TRPC7: variants seen among roughly 807,000 people sequenced by gnomAD.
The protein encoded by TRPC7 is short transient receptor potential channel 7.
Under a neutral mutation model 90.1 loss-of-function variants are expected in TRPC7, and 42 were observed. That is an observed-to-expected ratio of 0.47 (90% confidence interval 0.36 to 0.60). The LOEUF (loss-of-function observed/expected upper bound fraction) is 0.60. TRPC7 is among the 20% of genes least tolerant of loss of function. The pLI, the probability that TRPC7 is intolerant of heterozygous loss-of-function variation, is 0.00. For synonymous variants in TRPC7, 451 were observed against 436.3 expected (o/e 1.03, Z -0.42); for missense variants, 955 against 1,112.3 (o/e 0.86, Z 2.01).
At chr5:136,237,140 C>T (rs1198470087) in intron 7 of TRPC7, among the ~76,000 whole-genome samples, 1 of 152,144 alleles carries the variant, frequency 6.6e-6, no homozygotes, top group Non-Finnish European at 1.5e-5. Context: ...GGTTAAATGC[C>T]TGAGAAAGTC....
chr5:136,365,205 T>C (rs2149867262), intron 1 of TRPC7, 48 bp downstream of exon 1: 3 of 1,518,184 alleles, frequency 2.0e-6, no homozygotes, highest in Non-Finnish European at 1.8e-6. Flanking sequence ...GAACACAACC[T>C]CTACTGGAAA....
chr5:136,285,137 G>A (rs1757669166), intron 3 of TRPC7, among the ~76,000 whole-genome samples: 1 of 152,200 alleles, frequency 6.6e-6, no homozygotes, highest in South Asian at 2.1e-4. Flanking sequence ...CTGGACCATT[G>A]AGGAGTAATG....
intron 4 of TRPC7, among the ~76,000 whole-genome samples, chr5:136,270,655 G>C (rs1228208368): frequency 3.3e-5 from 5 of 152,194 alleles, no homozygotes; most frequent in Non-Finnish European, 7.3e-5. Flanking sequence ...CAAAGTTGCT[G>C]ATTTTCTAGT....
rs768402245 is a variant in TRPC7, at chr5:136,274,819, A to G, written c.982T>C (p.Cys328Arg). ...CACATGGTAAGCAATTGCTGCTGAC[A>G]GTTAGGATGAGCAACGAACTGTAAA... The part of the protein sequence containing the change: ...EVKKFVAHPN[C>R]QQQLLTMWYE... Residue 328 changes from cysteine to arginine, a missense_variant, in exon 4 of 12, where the codon TGT becomes CGT. Transcript: ENST00000513104. The G allele has an allele frequency of 1.9e-6, 3 of 1,571,020 alleles. No homozygotes were observed.
intron 3 of TRPC7, among the ~76,000 whole-genome samples, chr5:136,299,188 C>A (rs1306057696): frequency 6.6e-6 from 1 of 151,902 alleles, no homozygotes. Context: ...GTAATCCCAG[C>A]TACTCGGGAG....
In TRPC7 at chr5:136,365,290, A is replaced by G. The variant is rs1217105709; in HGVS notation, c.-36T>C. ...ATACGCAGGCTTGTTCCTCCTCTAG[A>G]TGACCGGAATCCGGTGTTGAGTCGC... is the stretch of plus-strand genomic sequence containing the variant. On this transcript the variant is annotated 5_prime_UTR_variant, in exon 1 of 12. Coordinates refer to ENST00000513104, the MANE Select transcript of TRPC7 (RefSeq NM_020389.3). The G allele has an allele frequency of 6.5e-7, 1 of 1,536,984 alleles. No homozygotes were observed. Among genetic ancestry groups the G allele is most frequent in the Non-Finnish European group, 8.7e-7 (1 of 1,146,812 alleles).
intron 5 of TRPC7, among the ~76,000 whole-genome samples, chr5:136,265,695 A>G (rs1356344077): frequency 6.6e-6 from 1 of 152,180 alleles, no homozygotes; most frequent in East Asian, 1.9e-4. Flanking sequence ...ATGAAATACC[A>G]CTACAAGAGG....
intron 3 of TRPC7, among the ~76,000 whole-genome samples, chr5:136,303,012 C>A (rs577084901): frequency 6.6e-6 from 1 of 152,268 alleles, no homozygotes; most frequent in African/African-American, 2.4e-5. Flanking sequence ...TCAGCCTCCG[C>A]TCCTCCACCC....
At chr5:136,308,702 G>A (rs1758729802) in intron 3 of TRPC7, among the ~76,000 whole-genome samples, 2 of 152,342 alleles carry the variant, frequency 1.3e-5, no homozygotes, top group Non-Finnish European at 1.5e-5. Flanking sequence ...AGCCAGTTGT[G>A]CAGCTACGGC....
chr5:136,297,221 C>G (rs1286343889), intron 3 of TRPC7, among the ~76,000 whole-genome samples: 1 of 152,116 alleles, frequency 6.6e-6, no homozygotes, highest in Non-Finnish European at 1.5e-5. Context: ...GGGTTGGATT[C>G]AGATCTCTGT....
At chr5:136,338,293 AC>A in intron 2 of TRPC7, among the ~76,000 whole-genome samples, 1 of 152,236 alleles carries the variant, frequency 6.6e-6, no homozygotes, top group Non-Finnish European at 1.5e-5. Flanking sequence ...GAATATGTTC[AC>A]ACCATTCTTA....
chr5:136,213,351 A>C lies in TRPC7; in HGVS notation c.*84T>G. 1 of 1,441,546 alleles carries C rather than the reference A, an allele frequency of 6.9e-7. No homozygotes were observed. The highest frequency in any genetic ancestry group is 1.4e-5 in the African/African-American group (1 of 70,924). 89.3% of individuals were successfully genotyped at this position (1,441,546 alleles called of 1,614,324 possible). On this transcript the variant is annotated 3_prime_UTR_variant, in exon 12 of 12. Coordinates refer to ENST00000513104, the MANE Select transcript of TRPC7 (RefSeq NM_020389.3). ...CGTGTCCTAGAGGAGTGGGCTGGGG[A>C]CCCCTCCCCACCAAGGATGGGGGCG...
intron 10 of TRPC7, among the ~76,000 whole-genome samples, chr5:136,218,727 T>C (rs1460238935): frequency 6.6e-6 from 1 of 152,200 alleles, no homozygotes; most frequent in African/African-American, 2.4e-5. Flanking sequence ...CACAGTCTCC[T>C]TCAATGCAGA....
intron 5 of TRPC7, among the ~76,000 whole-genome samples, chr5:136,263,385 C>T (rs568405568): frequency 2.0e-5 from 3 of 152,314 alleles, no homozygotes; most frequent in African/African-American, 4.8e-5. Flanking sequence ...TCCAGAGGCT[C>T]ACAACTGTAA....
chr5:136,320,563 A>G (rs1236786825), intron 2 of TRPC7, among the ~76,000 whole-genome samples: 1 of 152,144 alleles, frequency 6.6e-6, no homozygotes, highest in Non-Finnish European at 1.5e-5. Flanking sequence ...TCATTCTCCC[A>G]ACATTACTGC....
intron 4 of TRPC7, among the ~76,000 whole-genome samples, chr5:136,272,205 A>G (rs17170004): frequency 0.019 from 2,844 of 152,332 alleles, 87 homozygotes; most frequent in African/African-American, 0.065. Flanking sequence ...TCCTTTTCCT[A>G]GAATTACAGA....
intron 3 of TRPC7, among the ~76,000 whole-genome samples, chr5:136,285,093 G>T (rs995426386): frequency 2.0e-5 from 3 of 152,264 alleles, no homozygotes; most frequent in Admixed American, 1.3e-4. Flanking sequence ...TCAGAACCTG[G>T]CATGTTAGGA....
intron 3 of TRPC7, among the ~76,000 whole-genome samples, chr5:136,297,069 C>T (rs1758203945): frequency 6.6e-6 from 1 of 152,196 alleles, no homozygotes; most frequent in Non-Finnish European, 1.5e-5. Flanking sequence ...CTTCCTCTTT[C>T]TGGAATGTCT....
At chr5:136,293,286 C>T (rs1337623870) in intron 3 of TRPC7, among the ~76,000 whole-genome samples, 5 of 152,108 alleles carry the variant, frequency 3.3e-5, no homozygotes, top group Admixed American at 3.3e-4. Context: ...GAAGTTCTAG[C>T]CAGGGCAATC....
Sources: allele counts gnomAD v4.1 joint callset (sites outside exome capture counted in the v4.1 genomes callset), GRCh38; gene constraint gnomAD v4.1.1; transcripts MANE v1.5; gene names NCBI Gene and HGNC (gene_info 2026-07-23, HGNC 2026-07-21).